Variants in TOM1 observed in about 807,000 individuals in gnomAD.
The protein encoded by TOM1 is target of Myb protein 1.
Under a neutral mutation model 61.3 loss-of-function variants are expected in TOM1, and 38 were observed. The observed-to-expected ratio is 0.62, with a 90% CI of 0.48 to 0.81. The LOEUF is 0.81. TOM1 is among the 40% of genes least tolerant of loss of function. TOM1 has a pLI of 0.00. For missense variants in TOM1, 591 were observed against 659.6 expected, an observed-to-expected ratio of 0.90 and a Z score of 1.14; for synonymous variants, 270 against 268.8, an observed-to-expected ratio of 1.00 and a Z score of -0.04.
At position 35,323,533 on chromosome 22, in the gene TOM1, C is replaced by T; in HGVS notation, c.404C>T (p.Thr135Ile). 1 of 1,614,210 alleles carries T rather than the reference C, an allele frequency of 6.2e-7. No individual in the cohort carries two copies. The highest frequency in any genetic ancestry group is 8.5e-7 in the Non-Finnish European group (1 of 1,180,042). ...ADAFRSSPDLTGVVTIYEDLR... is the reference protein window; with the variant it reads ...ADAFRSSPDLIGVVTIYEDLR... ...GCGTTCCGCAGCTCGCCCGATCTGA[C>T]AGGTGTGGTCACCATCTATGAGGAC... Residue 135 changes from threonine (T) to isoleucine (I), a missense_variant, in exon 5 of 15, where the codon ACA (threonine) becomes ATA (isoleucine). Thr to Ile is a moderately conservative substitution (Grantham distance 89, BLOSUM62 -1). Coordinates refer to ENST00000449058, the MANE Select transcript of TOM1 (RefSeq NM_005488.3). This position sits in a 1 kb window ranked among gnomAD's most constrained non-coding sequence, Gnocchi z 4.2.
chr22:35,314,463 T>A (rs2145631881), intron 1 of TOM1, among the ~76,000 whole-genome samples: 1 of 149,780 alleles, frequency 6.7e-6, no homozygotes, highest in South Asian at 2.2e-4. Flanking sequence ...GGGCGGGGGG[T>A]CCTTCTGCTC....
At chr22:35,346,584 AC>A (rs559535456) in intron 13 of TOM1, among the ~76,000 whole-genome samples, 72 of 152,190 alleles carry the variant, frequency 4.7e-4, no homozygotes, top group African/African-American at 1.6e-3. Context: ...AGGAACCAGC[AC>A]TCATCAAGGT....
Position 35,323,114 on chromosome 22 carries a change from G to C in TOM1, c.303G>C (p.Arg101Ser). The change falls in exon 4 of 15, where the codon AGG (arginine) becomes AGC (serine). Residue 101 changes from arginine to serine, a missense_variant. Arg to Ser is a moderately radical substitution (Grantham distance 110). Coordinates refer to ENST00000449058, the MANE Select transcript of TOM1 (RefSeq NM_005488.3). The surrounding 1 kb of genome is among the most constrained non-coding windows in gnomAD (Gnocchi z 4.2). ...ACTTCGTGGAGAGTGTGCTGGTGAGGACCATCCTGCCCAAGAACAACCCAC... is the reference window on the plus strand; with the variant it reads ...ACTTCGTGGAGAGTGTGCTGGTGAGCACCATCCTGCCCAAGAACAACCCAC... ...SQDFVESVLV[R>S]TILPKNNPPT... is the part of the protein sequence containing the mutation. 6.2e-7 allele frequency: 1 copy of C among 1,614,150 alleles called. No individual in the cohort carries two copies. The highest frequency in any genetic ancestry group is 8.5e-7 in the Non-Finnish European group (1 of 1,180,030).
chr22:35,302,616 C>T (rs956970639), intron 1 of TOM1, among the ~76,000 whole-genome samples: 3 of 152,044 alleles, frequency 2.0e-5, no homozygotes, highest in African/African-American at 4.8e-5. Flanking sequence ...ACAGGCATGA[C>T]CACCGTGTCC....
chr22:35,346,441 C>G (rs573750645), intron 13 of TOM1, among the ~76,000 whole-genome samples: 1 of 152,378 alleles, frequency 6.6e-6, no homozygotes, highest in Admixed American at 6.5e-5. Context: ...AGGACTCAGG[C>G]TTTCTGTCTG....
In TOM1 at chr22:35,304,758, G is replaced by A. The variant is rs543365795; in HGVS notation, c.52+4778G>A. Among the ~76,000 whole-genome samples the A allele has an allele frequency of 1.7e-4, 26 of 152,350 alleles. No individual in the cohort carries two copies. The South Asian group carries it at 1.9e-3, about 11-fold the overall frequency. On this transcript the variant is annotated intron_variant, in intron 1 of 14. Transcript: ENST00000449058. Reference sequence around the variant, plus strand: ...CTCCCAAAGTGCTGGGATTACAGGCGTGAGCCACTGCACCCGGCCTACTGG... The same window carrying A: ...CTCCCAAAGTGCTGGGATTACAGGCATGAGCCACTGCACCCGGCCTACTGG...
intron 2 of TOM1, among the ~76,000 whole-genome samples, chr22:35,319,724 G>A (rs1569025112): frequency 6.6e-6 from 1 of 152,230 alleles, no homozygotes; most frequent in Non-Finnish European, 1.5e-5. Flanking sequence ...GAAGTAGCCC[G>A]TGGGTCAGTG....
Position 35,347,299 on chromosome 22 carries a change from C to T in TOM1, c.*90C>T. 1 of 1,402,568 alleles carries T rather than the reference C, an allele frequency of 7.1e-7. No individual in the cohort carries two copies. The highest frequency in any genetic ancestry group is 9.6e-7 in the Non-Finnish European group (1 of 1,044,854). 86.9% of individuals were successfully genotyped at this position (1,402,568 alleles called of 1,614,324 possible). A position where few individuals can be genotyped will look rare whatever the true frequency, so the allele number is the denominator to read the frequency against. ...CCTCCCTCCTCTGGTGTTAAGGCTG[C>T]TTTGGGGGTGGCTTGTTACCCCCTT... is the stretch of plus-strand genomic sequence containing the variant. On this transcript the variant is annotated 3_prime_UTR_variant, in exon 15 of 15. Coordinates refer to ENST00000449058, the MANE Select transcript of TOM1 (RefSeq NM_005488.3).
chr22:35,340,662 G>A (rs752017475), intron 12 of TOM1, among the ~76,000 whole-genome samples: 9 of 152,170 alleles, frequency 5.9e-5, no homozygotes, highest in African/African-American at 1.9e-4. Flanking sequence ...TGGGAGGATC[G>A]CTTGAGCACA....
rs138783 is a variant in TOM1 at position 35,320,987 on chromosome 22, G to GAAAAAAAAAAAAAAAAA, written c.138-958_138-957insAAAAAAAAAAAAAAAAA. 1.3e-4 allele frequency among the ~76,000 whole-genome samples: 12 copies of GAAAAAAAAAAAAAAAAA among 88,902 alleles called. 1 individual carries two copies. The highest frequency in any genetic ancestry group is 2.1e-4 in the African/African-American group (6 of 28,248). 58.3% of individuals were successfully genotyped at this position (88,902 alleles called of 152,430 possible). On this transcript the variant is annotated intron_variant, in intron 2 of 14. Coordinates refer to ENST00000449058, the MANE Select transcript of TOM1 (RefSeq NM_005488.3). Reference sequence around the variant, plus strand: ...ACAGAGTGAGACTCTGTCTCAGAAGGAAAAAAAAAAAAAACTTGAATGGAA... The same window carrying GAAAAAAAAAAAAAAAAA: ...ACAGAGTGAGACTCTGTCTCAGAAGGAAAAAAAAAAAAAAAAAAAAAAAAAAAAAAACTTGAATGGAA...
chr22:35,333,405 C>A lies in TOM1; in HGVS notation c.935C>A (p.Ala312Asp). 6.2e-7 allele frequency: 1 copy of A among 1,613,846 alleles called. No homozygotes were observed. Residue 312 changes from alanine to aspartate, a missense_variant and splice_region_variant, in exon 10 of 15, where the codon GCC becomes GAC. Ala to Asp is a moderately radical substitution (Grantham distance 126). Coordinates refer to ENST00000449058, the MANE Select transcript of TOM1 (RefSeq NM_005488.3). ...TCAGGGCATCTCCCTTCCCACCAGGCCCCAAGTGAGGCCGAGCCGGCAGCT... is the reference window on the plus strand; with the variant it reads ...TCAGGGCATCTCCCTTCCCACCAGGACCCAAGTGAGGCCGAGCCGGCAGCT... ...ERFRTGQTTK[A>D]PSEAEPAADL...
At chr22:35,316,139 C>T (rs138778) in intron 1 of TOM1, among the ~76,000 whole-genome samples, 76,389 of 152,270 alleles carry the variant, frequency 0.5, 22,692 homozygotes, top group Non-Finnish European at 0.66. Context: ...GTGCCAAGGC[C>T]GGCAGGGTGG....
chr22:35,342,427 G>T (rs889533587), intron 12 of TOM1, among the ~76,000 whole-genome samples: 1 of 152,056 alleles, frequency 6.6e-6, no homozygotes, highest in Non-Finnish European at 1.5e-5. Flanking sequence ...TGCCATGGAT[G>T]AATGTGAGAA....
chr22:35,327,376 G>GAGC lies in TOM1; in HGVS notation c.755_757dup (p.Glu252_Leu253insGln), dbSNP rs1569030348. ...CACCCAGGCCGAGCCCGCAGACCTG[G>GAGC]AGCTGCTGCAGGTGAGCAGGTGGCA... On this transcript the variant is annotated inframe_insertion, in exon 7 of 15. Transcript: ENST00000449058. 1 of 1,612,324 alleles carries GAGC rather than the reference G, an allele frequency of 6.2e-7. No individual in the cohort carries two copies. The highest frequency in any genetic ancestry group is 8.5e-7 in the Non-Finnish European group (1 of 1,179,468).
In TOM1 at chr22:35,323,592, G is replaced by A. The variant is rs749025244; in HGVS notation, c.463G>A (p.Asp155Asn). ...GAAAGGCCTGGAGTTCCCCATGACT[G>A]ACCTGGACATGCTGTCACCCATCCA... ...RRKGLEFPMTDLDMLSPIHTP... is the reference protein window; with the variant it reads ...RRKGLEFPMTNLDMLSPIHTP... The change falls in exon 5 of 15, where the codon GAC becomes AAC. Residue 155 changes from aspartate to asparagine, a missense_variant. By Grantham distance (23) the Asp-to-Asn change is conservative. Coordinates refer to ENST00000449058, the MANE Select transcript of TOM1 (RefSeq NM_005488.3). The surrounding 1 kb of genome is among the most constrained non-coding windows in gnomAD (Gnocchi z 4.2). 1.9e-6 allele frequency: 3 copies of A among 1,614,086 alleles called. No homozygotes were observed. In the Admixed American group the frequency reaches 5.0e-5, roughly 27 times the overall value.
At chr22:35,346,881 G>T (rs773989875) in intron 13 of TOM1, 49 bp from the exon 14 acceptor site, 3 of 1,577,042 alleles carry the variant, frequency 1.9e-6, no homozygotes, top group East Asian at 4.5e-5. Context: ...CAGGCTGACC[G>T]TACTGGGGGC....
rs1440550683 is a variant in TOM1, at chr22:35,323,042, T to C, written c.231T>C (p.Cys77=). 1.9e-6 allele frequency: 3 copies of C among 1,613,950 alleles called. No homozygotes were observed. Among genetic ancestry groups the C allele is most frequent in the African/African-American group, 1.3e-5 (1 of 74,934 alleles). ...VMLALTVLET[C]VKNCGHRFHV... is the part of the protein sequence containing the mutation. ...CGGCCCTCCAGGTCTTAGAAACCTG[T>C]GTCAAGAACTGCGGGCACCGCTTCC... is the stretch of plus-strand genomic sequence containing the variant. The change falls in exon 4 of 15, where the codon TGT becomes TGC. Residue 77 remains cysteine (C), a synonymous_variant. Coordinates refer to ENST00000449058, the MANE Select transcript of TOM1 (RefSeq NM_005488.3). This position sits in a 1 kb window ranked among gnomAD's most constrained non-coding sequence, Gnocchi z 4.2.
chr22:35,307,400 A>G (rs1027359598), intron 1 of TOM1, among the ~76,000 whole-genome samples: 2 of 152,180 alleles, frequency 1.3e-5, no homozygotes, highest in African/African-American at 4.8e-5. Context: ...AATGTCTTTA[A>G]GTTTGCCCAT....
chr22:35,312,793 A>G (rs1284946546), intron 1 of TOM1, among the ~76,000 whole-genome samples: 1 of 152,212 alleles, frequency 6.6e-6, no homozygotes, highest in Non-Finnish European at 1.5e-5. Flanking sequence ...GGAAGGGGGT[A>G]CAGCTGACTG....
Sources: gnomAD v4.1 joint callset for allele counts (sites outside exome capture counted in the v4.1 genomes callset) on GRCh38, gnomAD v4.1.1 for gene constraint, Gnocchi (gnomAD v3.1) non-coding constraint, MANE v1.5 for transcripts, NCBI Gene and HGNC (gene_info 2026-07-23, HGNC 2026-07-21) for gene names.